Variants in SLC6A11 observed in about 807,000 individuals in gnomAD.
The protein encoded by SLC6A11 is sodium- and chloride-dependent GABA transporter 3.
A neutral mutation model predicts 74.8 loss-of-function variants in SLC6A11; 25 were observed. The ratio of observed to expected loss-of-function variants is 0.33; its 90% CI spans 0.24 to 0.47. The LOEUF (loss-of-function observed/expected upper bound fraction) is 0.47. Ranked by LOEUF, SLC6A11 falls within the 20% of genes least tolerant of loss-of-function variation. The probability of loss-of-function intolerance (pLI) is 1.00; values close to 1 mark genes in which losing one functional copy is unlikely to be tolerated. For synonymous variants in SLC6A11, 330 were observed against 330.2 expected (o/e 1.00, Z 0.01); for missense variants, 574 against 837.0 (o/e 0.69, Z 3.88).
intron 6 of SLC6A11, among the ~76,000 whole-genome samples, chr3:10,881,343 G>A (rs1694972829): frequency 6.6e-6 from 1 of 152,216 alleles, no homozygotes; most frequent in South Asian, 2.1e-4. Context: ...TTGAACCTGG[G>A]AGGTGGAGGT....
rs990765064 is a variant in SLC6A11, at chr3:10,926,177, C to T, written c.1233+61C>T. The T allele has an allele frequency of 2.7e-5, 31 of 1,151,818 alleles. No individual in the cohort carries two copies. The highest frequency in any genetic ancestry group is 7.0e-5 in the East Asian group (3 of 42,696). The allele number at this position is 1,151,818 out of a possible 1,614,324, so 71.3% of individuals were successfully genotyped here. A position where few individuals can be genotyped will look rare whatever the true frequency, so the allele number is the denominator to read the frequency against. ...GGGGAGCCTGGGCCAGGAGGCCAGACGCCACCCTTAGGAGTGGCTCCCCAG... is the reference window on the plus strand; with the variant it reads ...GGGGAGCCTGGGCCAGGAGGCCAGATGCCACCCTTAGGAGTGGCTCCCCAG... On this transcript the variant is annotated intron_variant, in intron 9 of 13. Transcript: ENST00000254488. The surrounding 1 kb of genome is among the most constrained non-coding windows in gnomAD (Gnocchi z 5.7).
intron 5 of SLC6A11, among the ~76,000 whole-genome samples, chr3:10,849,409 C>A (rs1010480176): frequency 6.6e-5 from 10 of 152,138 alleles, no homozygotes; most frequent in Non-Finnish European, 1.2e-4. Flanking sequence ...GTCACCAGCT[C>A]CTTCTCCTGG....
chr3:10,829,324 G>T (rs1210018687), intron 4 of SLC6A11, among the ~76,000 whole-genome samples: 1 of 152,168 alleles, frequency 6.6e-6, no homozygotes, highest in Non-Finnish European at 1.5e-5. Context: ...GGAGGCACAG[G>T]GTCCCTTCCA....
chr3:10,901,571 C>G (rs1695240708), intron 6 of SLC6A11, among the ~76,000 whole-genome samples: 1 of 152,220 alleles, frequency 6.6e-6, no homozygotes, highest in African/African-American at 2.4e-5. Flanking sequence ...GGCTTACAGG[C>G]CAAGAGCCTC....
intron 5 of SLC6A11, among the ~76,000 whole-genome samples, chr3:10,851,583 G>T (rs1426098158): frequency 6.6e-6 from 1 of 152,244 alleles, no homozygotes; most frequent in African/African-American, 2.4e-5. Flanking sequence ...GCAAGGCCAA[G>T]GCCTGAGTGG....
intron 3 of SLC6A11, among the ~76,000 whole-genome samples, chr3:10,821,792 G>T (rs1327153952): frequency 6.7e-6 from 1 of 148,894 alleles, no homozygotes; most frequent in Admixed American, 6.7e-5. Context: ...TGGTCAACTT[G>T]GGTGTCCAGT....
At chr3:10,882,128 G>C (rs773362771) in intron 6 of SLC6A11, among the ~76,000 whole-genome samples, 1 of 152,182 alleles carries the variant, frequency 6.6e-6, no homozygotes, top group Non-Finnish European at 1.5e-5. Context: ...CTCCCGGCCA[G>C]TAAAGCCAGA....
Position 10,926,247 on chromosome 3 carries a change from C to T in SLC6A11, c.1233+131C>T, listed in dbSNP as rs1410578287. 6 of 636,928 alleles carry T rather than the reference C, an allele frequency of 9.4e-6. No individual in the cohort carries two copies. The highest frequency in any genetic ancestry group is 5.5e-5 in the South Asian group (3 of 54,710). 39.5% of individuals were successfully genotyped at this position (636,928 alleles called of 1,614,324 possible). ...GCCCTGGCATCAGGGCCCTGCCCAC[C>T]GTCCCCCATTCCACCCTCCACTTCC... On this transcript the variant is annotated intron_variant, in intron 9 of 13. Transcript: ENST00000254488. The surrounding 1 kb of genome is among the most constrained non-coding windows in gnomAD (Gnocchi z 5.7).
chr3:10,818,782 C>T (rs1383597062), intron 1 of SLC6A11, among the ~76,000 whole-genome samples: 1 of 152,112 alleles, frequency 6.6e-6, no homozygotes, highest in East Asian at 1.9e-4. Context: ...ATTTTTTTCA[C>T]AGAAAGGCCC....
intron 6 of SLC6A11, among the ~76,000 whole-genome samples, chr3:10,895,884 A>G (rs184384343): frequency 2.5e-3 from 377 of 152,296 alleles, no homozygotes; most frequent in Non-Finnish European, 4.0e-3. Flanking sequence ...GCACACATTT[A>G]TTTTTTTAGG....
rs77879436 is a variant in SLC6A11 at position 10,858,447 on chromosome 3, A to T, written c.756+14101A>T. Among the ~76,000 whole-genome samples the T allele has an allele frequency of 7.9e-3, 1,202 of 152,302 alleles. 5 individuals are homozygous for T. Among genetic ancestry groups the T allele is most frequent in the East Asian group, 0.038 (195 of 5,188 alleles). On this transcript the variant is annotated intron_variant, in intron 5 of 13. Transcript: ENST00000254488. ...TGAGGATGGTCCCCCACACTGTAGG[A>T]TTCCCAGCATCTCTAGTTATTTGCC...
chr3:10,837,614 G>T (rs190511207), intron 4 of SLC6A11, among the ~76,000 whole-genome samples: 117 of 152,330 alleles, frequency 7.7e-4, no homozygotes, highest in Non-Finnish European at 1.2e-3. Flanking sequence ...TACATGTGGC[G>T]TGGTGAGCAG....
intron 5 of SLC6A11, among the ~76,000 whole-genome samples, chr3:10,850,782 A>G (rs978601275): frequency 8.5e-5 from 13 of 152,170 alleles, no homozygotes; most frequent in African/African-American, 3.1e-4. Flanking sequence ...CAGGGATAGC[A>G]CGGTCTATTT....
chr3:10,933,030 A>G, intron 10 of SLC6A11, 121 bp from the exon 11 acceptor site: 1 of 716,958 alleles, frequency 1.4e-6, no homozygotes, highest in East Asian at 2.5e-5. Flanking sequence ...AGGGAGAAAC[A>G]GATTCCTGGC....
At chr3:10,903,612 T>C (rs1295358646) in intron 6 of SLC6A11, among the ~76,000 whole-genome samples, 1 of 152,196 alleles carries the variant, frequency 6.6e-6, no homozygotes, top group Non-Finnish European at 1.5e-5. Flanking sequence ...TGCATGCTTA[T>C]GGTGCGGGGA....
intron 5 of SLC6A11, among the ~76,000 whole-genome samples, chr3:10,865,941 C>A (rs1197566745): frequency 6.6e-6 from 1 of 152,190 alleles, no homozygotes; most frequent in East Asian, 1.9e-4. Flanking sequence ...AACAAAACAG[C>A]AACAGGACCC....
chr3:10,913,403 G>GACT (rs1186450194), intron 7 of SLC6A11, among the ~76,000 whole-genome samples: 1 of 152,174 alleles, frequency 6.6e-6, no homozygotes, highest in Non-Finnish European at 1.5e-5. Context: ...AGTCAGAGGT[G>GACT]GGGAGGTGGG....
At chr3:10,906,401 C>G (rs1695303301) in intron 6 of SLC6A11, among the ~76,000 whole-genome samples, 2 of 152,226 alleles carry the variant, frequency 1.3e-5, no homozygotes. Flanking sequence ...CAGATGCCAA[C>G]AGCAGTGACA....
intron 6 of SLC6A11, among the ~76,000 whole-genome samples, chr3:10,890,510 C>T (rs772711042): frequency 4.6e-5 from 7 of 152,208 alleles, no homozygotes; most frequent in South Asian, 2.1e-4. Flanking sequence ...CAGAGATAGG[C>T]GGTGTGGTGC....
Sources: allele counts gnomAD v4.1 joint callset (sites outside exome capture counted in the v4.1 genomes callset), GRCh38; gene constraint gnomAD v4.1.1; non-coding constraint Gnocchi (gnomAD v3.1); transcripts MANE v1.5; gene names NCBI Gene and HGNC (gene_info 2026-07-23, HGNC 2026-07-21).